The following PCDH7 variants were observed in gnomAD, a reference collection of about 807,000 sequenced individuals.
PCDH7 encodes protocadherin 7.
A neutral mutation model predicts 58.9 loss-of-function variants in PCDH7; 17 were observed. The ratio of observed to expected loss-of-function variants is 0.29; its 90% CI spans 0.20 to 0.43. PCDH7 has a LOEUF of 0.43. Among genes scored for constraint, PCDH7 ranks in the 20% least tolerant of loss-of-function variants. The pLI, the probability that PCDH7 is intolerant of heterozygous loss-of-function variation, is 1.00. For synonymous variants in PCDH7, 664 were observed against 616.4 expected, an observed-to-expected ratio of 1.08 and a Z score of -1.14; for missense variants, 1,274 against 1,441.0, an observed-to-expected ratio of 0.88 and a Z score of 1.88.
chr4:30,743,414 G>T (rs746359965), intron 1 of PCDH7, among the ~76,000 whole-genome samples: 1 of 149,974 alleles, frequency 6.7e-6, no homozygotes, highest in African/African-American at 2.5e-5. Flanking sequence ...TTGCTCAGGG[G>T]TTCAAAAAAT....
chr4:31,067,581 A>G (rs527309196), intron 3 of PCDH7, among the ~76,000 whole-genome samples: 1 of 151,952 alleles, frequency 6.6e-6, no homozygotes, highest in African/African-American at 2.4e-5. Context: ...GGAGAAATAG[A>G]GAAAGAGCAG....
At chr4:30,790,598 G>T (rs1373812377) in intron 1 of PCDH7, among the ~76,000 whole-genome samples, 5 of 152,208 alleles carry the variant, frequency 3.3e-5, no homozygotes. Context: ...GGATGAAGAT[G>T]AAATCTGATA....
intron 1 of PCDH7, among the ~76,000 whole-genome samples, chr4:30,754,621 C>T (rs1719028180): frequency 6.6e-6 from 1 of 152,074 alleles, no homozygotes. Context: ...TAATACTATT[C>T]AGGGAAATAG....
At position 30,806,308 on chromosome 4, in the gene PCDH7, G is replaced by A. The variant is rs1726193909; in HGVS notation, c.70+81712G>A. 2.0e-5 allele frequency among the ~76,000 whole-genome samples: 3 copies of A among 151,834 alleles called. No individual in the cohort carries two copies. The South Asian group carries it at 6.2e-4, about 32-fold the overall frequency. On this transcript the variant is annotated intron_variant, in intron 1 of 3. Coordinates refer to the PCDH7 transcript ENST00000509759. ...TTTCTATCACTCAAACATGCCTAAAGATTTCCTTTTTTTTTTCAGACAGTC... is the reference window on the plus strand; with the variant it reads ...TTTCTATCACTCAAACATGCCTAAAAATTTCCTTTTTTTTTTCAGACAGTC...
chr4:31,012,838 C>T (rs1753296335), intron 3 of PCDH7, among the ~76,000 whole-genome samples: 1 of 149,740 alleles, frequency 6.7e-6, no homozygotes, highest in African/African-American at 2.4e-5. Context: ...AGATGGTCTC[C>T]ACAAAAAATA....
chr4:30,806,655 A>AT (rs1415086922), intron 1 of PCDH7, among the ~76,000 whole-genome samples: 6 of 150,120 alleles, frequency 4.0e-5, no homozygotes, highest in South Asian at 2.1e-4. Flanking sequence ...TGCTTGGAAC[A>AT]TTGTTTTTGC....
At chr4:30,774,860 T>C (rs1374712193) in intron 1 of PCDH7, among the ~76,000 whole-genome samples, 1 of 152,186 alleles carries the variant, frequency 6.6e-6, no homozygotes, top group Admixed American at 6.5e-5. Flanking sequence ...ATTGGAGTAA[T>C]TCATATGCTT....
chr4:31,140,971 G>A (rs1308104647), intron 3 of PCDH7, among the ~76,000 whole-genome samples: 1 of 152,110 alleles, frequency 6.6e-6, no homozygotes, highest in African/African-American at 2.4e-5. Context: ...TTAACGCTTA[G>A]TCAAGGGCAT....
intron 1 of PCDH7, among the ~76,000 whole-genome samples, chr4:30,787,826 A>G (rs1723608592): frequency 6.6e-6 from 1 of 152,070 alleles, no homozygotes; most frequent in Admixed American, 6.6e-5. Context: ...TAGCATTTGC[A>G]CTTTGGTTTG....
At chr4:30,931,435 C>T (rs1170954382) in intron 2 of PCDH7, among the ~76,000 whole-genome samples, 4 of 151,806 alleles carry the variant, frequency 2.6e-5, no homozygotes, top group South Asian at 2.1e-4. Flanking sequence ...ATTAGCTGGT[C>T]GTGGTGGCAC....
At chr4:31,138,880 G>A (rs1303919455) in intron 3 of PCDH7, among the ~76,000 whole-genome samples, 4 of 151,718 alleles carry the variant, frequency 2.6e-5, no homozygotes, top group Non-Finnish European at 5.9e-5. Flanking sequence ...GGAGGCTGAG[G>A]CAGGAGAATC....
intron 1 of PCDH7, among the ~76,000 whole-genome samples, chr4:30,836,741 T>C (rs916651729): frequency 1.3e-5 from 2 of 152,158 alleles, no homozygotes; most frequent in Non-Finnish European, 2.9e-5. Context: ...AATCTCACTC[T>C]AGCTGGTTCA....
chr4:31,094,085 A>T (rs886776672), intron 3 of PCDH7, among the ~76,000 whole-genome samples: 1 of 152,136 alleles, frequency 6.6e-6, no homozygotes, highest in South Asian at 2.1e-4. Flanking sequence ...TACTGATCAT[A>T]ACACTTGCCT....
chr4:31,137,043 T>A (rs1366796246), intron 3 of PCDH7, among the ~76,000 whole-genome samples: 1 of 152,238 alleles, frequency 6.6e-6, no homozygotes, highest in African/African-American at 2.4e-5. Flanking sequence ...GAAGGGAATG[T>A]TAAAACATTT....
At chr4:31,140,325 T>C (rs16884402) in intron 3 of PCDH7, among the ~76,000 whole-genome samples, 47,687 of 151,904 alleles carry the variant, frequency 0.31, 7,915 homozygotes, top group African/African-American at 0.42. Context: ...AAATGACATA[T>C]TGTGTGAGAC....
chr4:31,043,111 A>G (rs1324533390), intron 3 of PCDH7, among the ~76,000 whole-genome samples: 1 of 152,134 alleles, frequency 6.6e-6, no homozygotes, highest in Non-Finnish European at 1.5e-5. Context: ...CAGAGCTTCT[A>G]TAACCCAATC....
At chr4:30,789,065 C>A (rs1031722618) in intron 1 of PCDH7, among the ~76,000 whole-genome samples, 1 of 152,056 alleles carries the variant, frequency 6.6e-6, no homozygotes, top group Non-Finnish European at 1.5e-5. Flanking sequence ...GTTGTTGCTA[C>A]CTCACCATTA....
chr4:30,981,023 A>G (rs531766328), intron 3 of PCDH7, among the ~76,000 whole-genome samples: 4 of 152,182 alleles, frequency 2.6e-5, no homozygotes, highest in Non-Finnish European at 5.9e-5. Context: ...TTGTATTTTT[A>G]GTAGAGATGG....
chr4:30,984,686 G>C (rs899443828), intron 3 of PCDH7, among the ~76,000 whole-genome samples: 1 of 147,224 alleles, frequency 6.8e-6, no homozygotes. Flanking sequence ...ACCTCTAAAG[G>C]TGGCCAGTTT....
Sources: allele counts gnomAD v4.1 joint callset (sites outside exome capture counted in the v4.1 genomes callset), GRCh38; gene constraint gnomAD v4.1.1; transcripts MANE v1.5; gene names NCBI Gene and HGNC (gene_info 2026-07-23, HGNC 2026-07-21).